PDE10A: variants seen among roughly 807,000 people sequenced by gnomAD.
PDE10A encodes the protein cAMP and cAMP-inhibited cGMP 3',5'-cyclic phosphodiesterase 10A.
In PDE10A, 39 loss-of-function variants were observed where a neutral mutation model predicts 97.7. The ratio of observed to expected loss-of-function variants is 0.40; its 90% CI spans 0.31 to 0.52. The LOEUF (loss-of-function observed/expected upper bound fraction) is 0.52. PDE10A is among the 20% of genes least tolerant of loss of function. The pLI, the probability that PDE10A is intolerant of heterozygous loss-of-function variation, is 0.56. For missense variants in PDE10A, 731 were observed against 1,047.8 expected, an observed-to-expected ratio of 0.70 and a Z score of 4.17; for synonymous variants, 371 against 376.8, an observed-to-expected ratio of 0.98 and a Z score of 0.18.
chr6:165,823,463 G>C (rs1371050047), intron 1 of PDE10A, among the ~76,000 whole-genome samples: 1 of 104,946 alleles, frequency 9.5e-6, no homozygotes, highest in African/African-American at 3.4e-5. Context: ...TACCGCCTGG[G>C]GCTGCTTTAT....
At chr6:165,943,218 A>AAGGAAGGAAGGAAGGAAGGAAG (rs1562809665) in intron 1 of PDE10A, among the ~76,000 whole-genome samples, 9 of 76,462 alleles carry the variant, frequency 1.2e-4, no homozygotes, top group South Asian at 8.7e-4. Flanking sequence ...AAAGAAAGAA[A>AAGGAAGGAAGGAAGGAAGGAAG]GAAAGAAAGA....
At chr6:165,590,420 A>G (rs958811108) in intron 1 of PDE10A, among the ~76,000 whole-genome samples, 1 of 152,236 alleles carries the variant, frequency 6.6e-6, no homozygotes, top group African/African-American at 2.4e-5. Flanking sequence ...GTAGAAATAC[A>G]TACTGAATCA....
chr6:165,586,316 ATAG>A (rs1316506719), intron 1 of PDE10A, among the ~76,000 whole-genome samples: 1 of 152,226 alleles, frequency 6.6e-6, no homozygotes, highest in Non-Finnish European at 1.5e-5. Context: ...AAAGAATGAG[ATAG>A]TACATGTTTC....
At chr6:165,637,443 C>T (rs940673908) in intron 1 of PDE10A, among the ~76,000 whole-genome samples, 1 of 152,150 alleles carries the variant, frequency 6.6e-6, no homozygotes, top group Non-Finnish European at 1.5e-5. Flanking sequence ...GACTGAATGA[C>T]GGTGTCCAGC....
intron 1 of PDE10A, among the ~76,000 whole-genome samples, chr6:165,747,256 C>T (rs1350717593): frequency 6.6e-6 from 1 of 151,994 alleles, no homozygotes; most frequent in East Asian, 1.9e-4. Flanking sequence ...AAAATTAAAA[C>T]GTTTTAAATG....
intron 1 of PDE10A, among the ~76,000 whole-genome samples, chr6:165,856,863 A>G (rs1780751987): frequency 1.3e-5 from 2 of 152,198 alleles, no homozygotes; most frequent in South Asian, 4.1e-4. Flanking sequence ...CAGCCACTCC[A>G]GTGGATTAAA....
intron 1 of PDE10A, among the ~76,000 whole-genome samples, chr6:165,876,427 C>T (rs1021506): frequency 3.8e-4 from 58 of 152,206 alleles, no homozygotes; most frequent in African/African-American, 1.2e-3. Context: ...ATGAATTAGA[C>T]TAAAGTCTCA....
chr6:165,427,892 G>C (rs912304235), intron 10 of PDE10A, among the ~76,000 whole-genome samples: 2 of 151,936 alleles, frequency 1.3e-5, no homozygotes, highest in Non-Finnish European at 2.9e-5. Flanking sequence ...ATCACATAAA[G>C]AATGTGCTGA....
chr6:165,637,175 G>A (rs1262770197), intron 1 of PDE10A, among the ~76,000 whole-genome samples: 1 of 152,152 alleles, frequency 6.6e-6, no homozygotes, highest in East Asian at 1.9e-4. Context: ...ATAAGAGATG[G>A]GACCAGGATT....
chr6:165,893,713 G>A (rs556629202), intron 1 of PDE10A, among the ~76,000 whole-genome samples: 2 of 152,122 alleles, frequency 1.3e-5, no homozygotes, highest in South Asian at 4.2e-4. Context: ...CAAGTGTCTA[G>A]CACCCTGCTA....
At chr6:165,872,936 A>C (rs1781242336) in intron 1 of PDE10A, among the ~76,000 whole-genome samples, 1 of 152,202 alleles carries the variant, frequency 6.6e-6, no homozygotes, top group African/African-American at 2.4e-5. Flanking sequence ...CAGGAGCCAG[A>C]TGTCTCAGGT....
chr6:165,802,395 G>A (rs1010140105), intron 1 of PDE10A, among the ~76,000 whole-genome samples: 4 of 152,122 alleles, frequency 2.6e-5, no homozygotes, highest in Admixed American at 6.6e-5. Context: ...GTAGTCACTG[G>A]ACTGAAATAA....
At chr6:165,384,822 T>C (rs1583168985) in intron 17 of PDE10A, among the ~76,000 whole-genome samples, 1 of 152,284 alleles carries the variant, frequency 6.6e-6, no homozygotes, top group South Asian at 2.1e-4. Flanking sequence ...GGCACTCAGG[T>C]TGGCAAAACT....
chr6:165,755,408 C>G (rs1165690280), intron 1 of PDE10A, among the ~76,000 whole-genome samples: 1 of 152,212 alleles, frequency 6.6e-6, no homozygotes, highest in Non-Finnish European at 1.5e-5. Context: ...GGGGAAATGT[C>G]TTTGAAATGA....
chr6:165,335,158 G>C (rs934025357), intron 21 of PDE10A, among the ~76,000 whole-genome samples: 5 of 152,198 alleles, frequency 3.3e-5, no homozygotes, highest in African/African-American at 1.2e-4. Context: ...GTTCTTAACC[G>C]AGTTCACTCT....
chr6:165,484,308 G>A (rs1017860842), intron 2 of PDE10A, among the ~76,000 whole-genome samples: 66 of 152,242 alleles, frequency 4.3e-4, no homozygotes, highest in African/African-American at 1.5e-3. Flanking sequence ...CAGTGGCTTA[G>A]AGCAGGAGGC....
intron 3 of PDE10A, among the ~76,000 whole-genome samples, chr6:165,467,938 C>A (rs1365416494): frequency 6.6e-6 from 1 of 152,158 alleles, no homozygotes; most frequent in African/African-American, 2.4e-5. Flanking sequence ...GCCACAGCCA[C>A]CCCAACCTTC....
At chr6:165,643,487 G>A (rs796304760) in intron 1 of PDE10A, among the ~76,000 whole-genome samples, 28 of 152,236 alleles carry the variant, frequency 1.8e-4, no homozygotes, top group African/African-American at 6.7e-4. Context: ...TTACATGCTG[G>A]GGCAATGAGC....
At chr6:165,491,719 GAGAAA>G (rs1191712637) in intron 2 of PDE10A, among the ~76,000 whole-genome samples, 1 of 152,030 alleles carries the variant, frequency 6.6e-6, no homozygotes, top group African/African-American at 2.4e-5. Flanking sequence ...GTGGTACTAA[GAGAAA>G]AGTCCACAGC....
Sources: gnomAD v4.1 joint callset for allele counts (sites outside exome capture counted in the v4.1 genomes callset) on GRCh38, gnomAD v4.1.1 for gene constraint, MANE v1.5 for transcripts, NCBI Gene and HGNC (gene_info 2026-07-23, HGNC 2026-07-21) for gene names.